Variants in UBE2H observed in about 807,000 individuals in gnomAD.
UBE2H encodes the protein ubiquitin-conjugating enzyme E2 H.
UBE2H carries 3 observed loss-of-function variants against 29.0 expected under a neutral mutation model. That is an observed-to-expected ratio of 0.10 (90% confidence interval 0.05 to 0.27). The LOEUF (loss-of-function observed/expected upper bound fraction) is 0.27, where lower values mean the gene tolerates loss of function less well. Ranked by LOEUF, UBE2H falls within the 10% of genes least tolerant of loss-of-function variation. The pLI is 1.00. For missense variants in UBE2H, 68 were observed against 228.2 expected, an observed-to-expected ratio of 0.30 and a Z score of 4.52; for synonymous variants, 69 against 82.9, an observed-to-expected ratio of 0.83 and a Z score of 0.91.
intron 1 of UBE2H, among the ~76,000 whole-genome samples, chr7:129,889,082 T>C (rs546806772): frequency 1.8e-4 from 27 of 152,222 alleles, no homozygotes; most frequent in African/African-American, 5.8e-4. Context: ...TTTTGATGAG[T>C]GGACCCTAGG....
intron 1 of UBE2H, among the ~76,000 whole-genome samples, chr7:129,938,798 TG>T (rs759941475): frequency 4.2e-4 from 63 of 151,190 alleles, no homozygotes; most frequent in African/African-American, 1.5e-3. Context: ...TTTGTTTTTT[TG>T]TTTTTTTTGT....
At chr7:129,858,857 G>A in intron 4 of UBE2H, 45 bp downstream of exon 4, 2 of 1,556,092 alleles carry the variant, frequency 1.3e-6, no homozygotes, top group South Asian at 1.1e-5. Context: ...CACTAATCAT[G>A]AGCAGTTGCT....
intron 5 of UBE2H, among the ~76,000 whole-genome samples, chr7:129,852,899 A>T (rs1054873230): frequency 1.3e-5 from 2 of 152,086 alleles, no homozygotes; most frequent in African/African-American, 2.4e-5. Context: ...CTAATTTTGT[A>T]TTTTTAATAA....
intron 1 of UBE2H, among the ~76,000 whole-genome samples, chr7:129,939,818 G>A (rs968666311): frequency 6.6e-6 from 1 of 152,062 alleles, no homozygotes. Context: ...AATTAGCCGG[G>A]CATGGTGGCG....
intron 5 of UBE2H, among the ~76,000 whole-genome samples, chr7:129,853,540 C>A (rs1438115594): frequency 6.6e-6 from 1 of 152,228 alleles, no homozygotes; most frequent in Non-Finnish European, 1.5e-5. Context: ...TGGCAAGCAT[C>A]TTACAAAATT....
intron 1 of UBE2H, among the ~76,000 whole-genome samples, chr7:129,899,356 T>A (rs1018155992): frequency 6.6e-6 from 1 of 152,194 alleles, no homozygotes. Context: ...GCAGACCTGT[T>A]TCCCTCATGC....
At chr7:129,919,355 AAAC>A (rs1478282424) in intron 1 of UBE2H, among the ~76,000 whole-genome samples, 1 of 152,038 alleles carries the variant, frequency 6.6e-6, no homozygotes, top group Admixed American at 6.6e-5. Flanking sequence ...AAACAAAATA[AAAC>A]TCCTGTTAAC....
At chr7:129,857,923 G>T (rs1805734834) in intron 4 of UBE2H, among the ~76,000 whole-genome samples, 1 of 152,170 alleles carries the variant, frequency 6.6e-6, no homozygotes. Flanking sequence ...TGAATCTAAT[G>T]ATCAGGAAAC....
intron 1 of UBE2H, among the ~76,000 whole-genome samples, chr7:129,932,169 G>GCCGGA (rs1443545472): frequency 6.7e-6 from 1 of 148,614 alleles, no homozygotes; most frequent in African/African-American, 2.5e-5. Context: ...TGTTGCCCAG[G>GCCGGA]CTGGAGTGCA....
intron 5 of UBE2H, among the ~76,000 whole-genome samples, chr7:129,847,106 G>C (rs1584740903): frequency 6.6e-6 from 1 of 152,068 alleles, no homozygotes; most frequent in East Asian, 1.9e-4. Context: ...GAGTGTAGTG[G>C]CACAATCTCA....
intron 5 of UBE2H, among the ~76,000 whole-genome samples, chr7:129,855,607 C>T (rs1805689643): frequency 6.6e-6 from 1 of 152,134 alleles, no homozygotes; most frequent in Admixed American, 6.5e-5. Context: ...GGCACTGTTA[C>T]AGTCACGTGT....
At chr7:129,950,736 C>G (rs1312935785) in intron 1 of UBE2H, among the ~76,000 whole-genome samples, 3 of 152,178 alleles carry the variant, frequency 2.0e-5, no homozygotes, top group Non-Finnish European at 4.4e-5. Flanking sequence ...GCCACTATGT[C>G]ATTTCCTAGT....
rs1220889848 is a variant in UBE2H, at chr7:129,830,848, T to A, written c.*4089A>T. ...CCTGTTGACAGACGTGCCTACTAGA[T>A]CATCACAATGCAAGGAGAAAGGTGG... On this transcript the variant is annotated 3_prime_UTR_variant, in exon 7 of 7. Coordinates refer to ENST00000355621, the MANE Select transcript of UBE2H (RefSeq NM_003344.4). 1 of 147,812 alleles carries A rather than the reference T, an allele frequency of 6.8e-6. No homozygotes were observed. The highest frequency in any genetic ancestry group is 2.5e-5 in the African/African-American group (1 of 39,614). 9.2% of individuals were successfully genotyped at this position (147,812 alleles called of 1,614,324 possible).
intron 1 of UBE2H, among the ~76,000 whole-genome samples, chr7:129,925,862 G>C (rs1181231607): frequency 6.6e-6 from 1 of 152,002 alleles, no homozygotes; most frequent in African/African-American, 2.4e-5. Flanking sequence ...TGGATTCCCT[G>C]ATGACATGAA....
At chr7:129,845,946 A>G (rs1805503447) in intron 5 of UBE2H, among the ~76,000 whole-genome samples, 1 of 152,256 alleles carries the variant, frequency 6.6e-6, no homozygotes, top group Non-Finnish European at 1.5e-5. Context: ...AACTATTAAT[A>G]CAAATATGAC....
At chr7:129,885,811 G>T (rs1202901019) in intron 1 of UBE2H, among the ~76,000 whole-genome samples, 1 of 152,162 alleles carries the variant, frequency 6.6e-6, no homozygotes, top group East Asian at 1.9e-4. Flanking sequence ...TTAGTCCAAA[G>T]AAAAACACTG....
intron 1 of UBE2H, among the ~76,000 whole-genome samples, chr7:129,941,318 A>G (rs1404504670): frequency 6.6e-6 from 1 of 152,104 alleles, no homozygotes; most frequent in Non-Finnish European, 1.5e-5. Context: ...TTTAGTAGAG[A>G]CAGGGTTTCA....
chr7:129,877,569 T>C (rs1806170173), intron 3 of UBE2H, among the ~76,000 whole-genome samples: 1 of 152,204 alleles, frequency 6.6e-6, no homozygotes, highest in Admixed American at 6.5e-5. Flanking sequence ...CTAAATCTAC[T>C]TTCCAAACAG....
chr7:129,841,471 CCATAAGTGGCTACTGAG>C (rs1805428350), intron 5 of UBE2H, among the ~76,000 whole-genome samples: 1 of 152,104 alleles, frequency 6.6e-6, no homozygotes, highest in Non-Finnish European at 1.5e-5. Context: ...TAGCCACTAG[CCATAAGTGGCTACTGAG>C]CACTCAAAAT....
Sources: gnomAD v4.1 joint callset for allele counts (sites outside exome capture counted in the v4.1 genomes callset) on GRCh38, gnomAD v4.1.1 for gene constraint, MANE v1.5 for transcripts, NCBI Gene and HGNC (gene_info 2026-07-23, HGNC 2026-07-21) for gene names.